Variants in METTL25 observed in about 807,000 individuals in gnomAD.
METTL25 encodes the protein methyltransferase like 25.
Under a neutral mutation model 71.6 loss-of-function variants are expected in METTL25, and 64 were observed. The observed-to-expected ratio is 0.89, with a 90% CI of 0.73 to 1.10. The LOEUF is 1.10. Among genes scored for constraint, METTL25 ranks in the 50% least tolerant of loss-of-function variants. The pLI is 0.00. For missense variants in METTL25, 807 were observed against 707.0 expected (o/e 1.14, Z -1.60); for synonymous variants, 287 against 250.3 (o/e 1.15, Z -1.38).
chr12:82,396,649 A>G (rs921376694), intron 3 of METTL25, among the ~76,000 whole-genome samples: 2 of 152,104 alleles, frequency 1.3e-5, no homozygotes, highest in Non-Finnish European at 2.9e-5. Flanking sequence ...TAATTTAAAT[A>G]TTCACCAACT....
At chr12:82,382,292 G>C (rs770562045) in intron 1 of METTL25, among the ~76,000 whole-genome samples, 20 of 152,212 alleles carry the variant, frequency 1.3e-4, no homozygotes, top group Non-Finnish European at 2.2e-4. Context: ...GATCTAGGCT[G>C]TGTGATAATG....
intron 8 of METTL25, among the ~76,000 whole-genome samples, chr12:82,454,807 G>C (rs1463241300): frequency 2.6e-5 from 4 of 151,494 alleles, no homozygotes; most frequent in Non-Finnish European, 5.9e-5. Flanking sequence ...TTTTACTCAG[G>C]GTCTTTTAAC....
At chr12:82,390,844 G>T (rs1885506199) in intron 3 of METTL25, among the ~76,000 whole-genome samples, 1 of 152,084 alleles carries the variant, frequency 6.6e-6, no homozygotes, top group Non-Finnish European at 1.5e-5. Flanking sequence ...GAAGAGGCAA[G>T]CCCTCCCCCA....
chr12:82,388,584 A>C (rs1885269297), intron 2 of METTL25, among the ~76,000 whole-genome samples: 1 of 151,978 alleles, frequency 6.6e-6, no homozygotes, highest in African/African-American at 2.4e-5. Context: ...CAATGTATAA[A>C]GTTTAAGGGC....
chr12:82,375,991 G>T (rs1365058044), intron 1 of METTL25, among the ~76,000 whole-genome samples: 3 of 152,144 alleles, frequency 2.0e-5, no homozygotes, highest in Non-Finnish European at 2.9e-5. Context: ...ATCAATAATT[G>T]TAGCACAAAA....
chr12:82,405,186 C>A (rs1183334376), intron 5 of METTL25, among the ~76,000 whole-genome samples: 1 of 152,140 alleles, frequency 6.6e-6, no homozygotes, highest in Non-Finnish European at 1.5e-5. Context: ...ATTTTCCCAC[C>A]AAAGATGAAC....
At chr12:82,416,810 A>T (rs1888025104) in intron 5 of METTL25, among the ~76,000 whole-genome samples, 1 of 152,094 alleles carries the variant, frequency 6.6e-6, no homozygotes, top group East Asian at 1.9e-4. Context: ...AACCGGTAAC[A>T]TGTAAGTACT....
chr12:82,456,262 A>G (rs1288104376), intron 8 of METTL25, among the ~76,000 whole-genome samples: 1 of 151,920 alleles, frequency 6.6e-6, no homozygotes, highest in Non-Finnish European at 1.5e-5. Context: ...CAGGGCATAA[A>G]TGAGATCAAG....
intron 5 of METTL25, among the ~76,000 whole-genome samples, chr12:82,417,236 T>C (rs1331482115): frequency 6.6e-6 from 1 of 152,154 alleles, no homozygotes; most frequent in Non-Finnish European, 1.5e-5. Flanking sequence ...TGGGAGATTG[T>C]AAGATGCCTA....
intron 8 of METTL25, among the ~76,000 whole-genome samples, chr12:82,452,492 G>A (rs1891218406): frequency 6.6e-6 from 1 of 152,116 alleles, no homozygotes; most frequent in Non-Finnish European, 1.5e-5. Context: ...AACAGAGCAG[G>A]ACCCTGTTTC....
intron 8 of METTL25, among the ~76,000 whole-genome samples, chr12:82,446,665 G>A (rs1438053625): frequency 6.8e-6 from 1 of 146,378 alleles, no homozygotes; most frequent in East Asian, 2.0e-4. Flanking sequence ...CGCCCAGGCT[G>A]GAGTGCAGTG....
At chr12:82,407,756 G>A in intron 5 of METTL25, 1 of 954,518 alleles carries the variant, frequency 1.0e-6, no homozygotes, top group African/African-American at 1.8e-5. Flanking sequence ...CAAGAGATAA[G>A]AGAAAAATGT....
intron 8 of METTL25, among the ~76,000 whole-genome samples, 199 bp from the exon 9 acceptor site, chr12:82,456,528 A>G (rs1214152391): frequency 6.6e-6 from 1 of 151,994 alleles, no homozygotes; most frequent in African/African-American, 2.4e-5. Flanking sequence ...TATATGTTAT[A>G]AGAATTGTCA....
chr12:82,458,943 C>T (rs1180044630), intron 9 of METTL25, among the ~76,000 whole-genome samples: 1 of 152,140 alleles, frequency 6.6e-6, no homozygotes. Context: ...AGTACAGAGA[C>T]ACAGGCTCAC....
intron 4 of METTL25, among the ~76,000 whole-genome samples, chr12:82,401,088 A>C (rs2401039): frequency 0.92 from 140,548 of 152,058 alleles, 65,268 homozygotes; most frequent in East Asian, 1. Flanking sequence ...AGCTGTATAA[A>C]CCTCTATAAA....
At chr12:82,385,499 A>G (rs1224106940) in intron 1 of METTL25, among the ~76,000 whole-genome samples, 2 of 152,032 alleles carry the variant, frequency 1.3e-5, no homozygotes, top group Middle Eastern at 3.2e-3. Context: ...GTTTTTTTGA[A>G]TTATTCAAAA....
At chr12:82,402,495 A>G (rs1886717574) in intron 4 of METTL25, among the ~76,000 whole-genome samples, 1 of 152,118 alleles carries the variant, frequency 6.6e-6, no homozygotes, top group African/African-American at 2.4e-5. Flanking sequence ...GAAAATATAA[A>G]CAGGTAAATA....
intron 8 of METTL25, among the ~76,000 whole-genome samples, chr12:82,456,235 T>G (rs1225930506): frequency 1.3e-5 from 2 of 151,890 alleles, no homozygotes; most frequent in African/African-American, 4.8e-5. Flanking sequence ...TTTGTGTACA[T>G]TATTAATAAG....
chr12:82,475,203 G>A lies in METTL25; in HGVS notation c.1573-1441G>A, dbSNP rs568330744. ...AACTGCTGATCTTCAGATGGTAAAG[G>A]AGAGAACTAAAGGCTGTAATTCAAC... On this transcript the variant is annotated intron_variant, in intron 9 of 11. Coordinates refer to ENST00000248306, the MANE Select transcript of METTL25 (RefSeq NM_032230.3). 9.8e-5 allele frequency among the ~76,000 whole-genome samples: 15 copies of A among 152,324 alleles called. No homozygotes were observed. The South Asian group carries it at 3.1e-3, about 32-fold the overall frequency.
Sources: allele counts gnomAD v4.1 joint callset (sites outside exome capture counted in the v4.1 genomes callset), GRCh38; gene constraint gnomAD v4.1.1; transcripts MANE v1.5; gene names NCBI Gene and HGNC (gene_info 2026-07-23, HGNC 2026-07-21).